Variants in ITGB2 observed in about 807,000 individuals in gnomAD.
ITGB2 encodes integrin beta-2.
In ITGB2, 56 loss-of-function variants were observed where a neutral mutation model predicts 86.8. The ratio of observed to expected loss-of-function variants is 0.65; its 90% CI spans 0.52 to 0.81. ITGB2 has a LOEUF of 0.81. Among genes scored for constraint, ITGB2 ranks in the 30% least tolerant of loss-of-function variants. The pLI is 0.00. For missense variants in ITGB2, 948 were observed against 1,061.2 expected, an observed-to-expected ratio of 0.89 and a Z score of 1.48; for synonymous variants, 457 against 450.4, an observed-to-expected ratio of 1.01 and a Z score of -0.19.
intron 14 of ITGB2, 110 bp downstream of exon 14, chr21:44,888,583 G>T (rs999470994): frequency 3.2e-5 from 40 of 1,266,570 alleles, no homozygotes; most frequent in Non-Finnish European, 4.1e-5. Context: ...CCACCCTGCT[G>T]GGCCCACAAC....
intron 9 of ITGB2, chr21:44,894,412 A>G (rs1240318271): frequency 1.7e-5 from 3 of 175,078 alleles, no homozygotes; most frequent in Non-Finnish European, 3.8e-5. Flanking sequence ...GGGGCCCTGA[A>G]TGGCACCTAG....
At chr21:44,906,409 C>T (rs1177382168) in intron 4 of ITGB2, among the ~76,000 whole-genome samples, 2 of 152,056 alleles carry the variant, frequency 1.3e-5, no homozygotes, top group Non-Finnish European at 2.9e-5. Context: ...GCGTGAGCCA[C>T]CGATAAGGAG....
chr21:44,887,217 C>T (rs1009669969), intron 14 of ITGB2, among the ~76,000 whole-genome samples: 3 of 152,178 alleles, frequency 2.0e-5, no homozygotes, highest in East Asian at 1.9e-4. Flanking sequence ...GGACACAGTG[C>T]GAGGGACCCC....
rs780567712 is a variant in ITGB2, at chr21:44,893,390, G to T, written c.1224+14C>A. On this transcript the variant is annotated intron_variant, in intron 10 of 15. Transcript: ENST00000652462. Reference sequence around the variant, plus strand: ...TCAGCAAGCTGGGATGGGGACCCTTGTGGCCAGGCTCACCGGGACATTGAT... The same window carrying T: ...TCAGCAAGCTGGGATGGGGACCCTTTTGGCCAGGCTCACCGGGACATTGAT... 1 of 1,613,476 alleles carries T rather than the reference G, an allele frequency of 6.2e-7. No individual in the cohort carries two copies. The highest frequency in any genetic ancestry group is 8.5e-7 in the Non-Finnish European group (1 of 1,179,708).
In ITGB2 at chr21:44,905,570, G is replaced by A. The variant is rs554385951; in HGVS notation, c.328+1345C>T. 3.2e-4 allele frequency among the ~76,000 whole-genome samples: 49 copies of A among 152,334 alleles called. 1 individual carries two copies. In the East Asian group the frequency reaches 9.3e-3, roughly 29 times the overall value. ...CTCAGTTTCCTCACTGTGAAGTGGG[G>A]CGTGGGGAAAATACATCAGAGCTGC... On this transcript the variant is annotated intron_variant, in intron 4 of 15. Coordinates refer to ENST00000652462, the MANE Select transcript of ITGB2 (RefSeq NM_000211.5).
intron 1 of ITGB2, among the ~76,000 whole-genome samples, chr21:44,918,299 G>T (rs138732456): frequency 6.6e-6 from 1 of 152,220 alleles, no homozygotes; most frequent in Admixed American, 6.5e-5. Context: ...AGCAAGGGGG[G>T]CCCACACAGG....
upstream of ITGB2, among the ~76,000 whole-genome samples, chr21:44,923,950 C>A (rs983149752): frequency 5.9e-5 from 9 of 152,040 alleles, no homozygotes; most frequent in African/African-American, 2.2e-4. Context: ...AGATAGAAAT[C>A]AAAGCAAAAT....
Position 44,900,222 on chromosome 21 carries a change from G to A in ITGB2, c.897+98C>T, listed in dbSNP as rs2083930922. On this transcript the variant is annotated intron_variant, in intron 7 of 15. Coordinates refer to ENST00000652462, the MANE Select transcript of ITGB2 (RefSeq NM_000211.5). Reference sequence around the variant, plus strand: ...GTTTCCTCAGGAATCTGCTCCTTGGGTCAGAAGGAGGCTCTGTCAGGTGGA... The same window carrying A: ...GTTTCCTCAGGAATCTGCTCCTTGGATCAGAAGGAGGCTCTGTCAGGTGGA... 2.7e-6 allele frequency: 4 copies of A among 1,496,478 alleles called. No individual in the cohort carries two copies. The South Asian group carries it at 3.4e-5, about 13-fold the overall frequency. 92.7% of individuals were successfully genotyped at this position (1,496,478 alleles called of 1,614,324 possible).
Position 44,895,030 on chromosome 21 carries a change from C to A in ITGB2, c.1024G>T (p.Val342Leu), listed in dbSNP as rs759487369. 2 of 1,613,394 alleles carry A rather than the reference C, an allele frequency of 1.2e-6. No individual in the cohort carries two copies. The highest frequency in any genetic ancestry group is 1.3e-5 in the African/African-American group (1 of 74,852). ...CTGGAGTCCTCAGACAGCTCCCCCA[C>A]GGCTGACTTGGGGATGATCTCGGTG... ...KLTEIIPKSA[V>L]GELSEDSSNV... Residue 342 changes from valine (V) to leucine (L), a missense_variant, in exon 9 of 16, where the codon GTG becomes TTG. Transcript: ENST00000652462.
chr21:44,910,435 A>T, intron 2 of ITGB2, 63 bp from the exon 3 acceptor site: 5 of 1,611,090 alleles, frequency 3.1e-6, no homozygotes, highest in Non-Finnish European at 4.2e-6. Context: ...CCCAAGGGGG[A>T]GTAGAGCAGG....
intron 14 of ITGB2, 22 bp downstream of exon 14, chr21:44,888,671 C>T (rs749447080): frequency 4.1e-5 from 65 of 1,603,368 alleles, no homozygotes; most frequent in South Asian, 1.4e-4. Flanking sequence ...AGCCGGTCCC[C>T]GCTGCACCCC....
chr21:44,906,650 A>G (rs745729228), intron 4 of ITGB2, among the ~76,000 whole-genome samples: 1 of 151,814 alleles, frequency 6.6e-6, no homozygotes, highest in Non-Finnish European at 1.5e-5. Flanking sequence ...TAAAAAAAAA[A>G]GGTGCAGAAC....
Position 44,899,085 on chromosome 21 carries a change from C to A in ITGB2, c.975G>T (p.Arg325Ser). The change falls in exon 8 of 16, where the codon AGG becomes AGT. Residue 325 changes from arginine to serine, a missense_variant. Coordinates refer to ENST00000652462, the MANE Select transcript of ITGB2 (RefSeq NM_000211.5). Reference sequence around the variant, plus strand: ...CACTCACCTCGTAGGTCTTCACCATCCTACTGGTCACCGCGAAGATGGGCT... The same window carrying A: ...CACTCACCTCGTAGGTCTTCACCATACTACTGGTCACCGCGAAGATGGGCT... ...NIQPIFAVTSRMVKTYEKLTE... is the reference protein window; with the variant it reads ...NIQPIFAVTSSMVKTYEKLTE... 2 of 1,614,104 alleles carry A rather than the reference C, an allele frequency of 1.2e-6. No homozygotes were observed. Among genetic ancestry groups the A allele is most frequent in the Non-Finnish European group, 1.7e-6 (2 of 1,179,932 alleles).
At chr21:44,901,816 C>T (rs1382827947) in intron 5 of ITGB2, 83 bp from the exon 6 acceptor site, 8 of 1,452,746 alleles carry the variant, frequency 5.5e-6, no homozygotes, top group Non-Finnish European at 7.5e-6. Flanking sequence ...CGAGGGCAAG[C>T]CTGTTTCCTC....
At chr21:44,915,465 G>A (rs2084195085) in intron 1 of ITGB2, among the ~76,000 whole-genome samples, 1 of 152,198 alleles carries the variant, frequency 6.6e-6, no homozygotes, top group Non-Finnish European at 1.5e-5. Context: ...CTAGAGGAGA[G>A]GCACTCGCAT....
chr21:44,897,017 G>C (rs1039013515), intron 8 of ITGB2, among the ~76,000 whole-genome samples: 2 of 152,134 alleles, frequency 1.3e-5, no homozygotes, highest in African/African-American at 4.8e-5. Context: ...GGTGGTCTCT[G>C]TGGATGTCCG....
chr21:44,897,420 T>C (rs1255293012), intron 8 of ITGB2, among the ~76,000 whole-genome samples: 1 of 152,182 alleles, frequency 6.6e-6, no homozygotes, highest in Non-Finnish European at 1.5e-5. Flanking sequence ...CCTGGTTTCC[T>C]GCGTGCCATT....
In ITGB2 at chr21:44,901,744, C is replaced by T; in HGVS notation, c.500-11G>A. 1.9e-6 allele frequency: 3 copies of T among 1,603,872 alleles called. No individual in the cohort carries two copies. The highest frequency in any genetic ancestry group is 2.6e-6 in the Non-Finnish European group (3 of 1,171,990). On this transcript the variant is annotated splice_polypyrimidine_tract_variant and intron_variant, in intron 5 of 15. Coordinates refer to ENST00000652462, the MANE Select transcript of ITGB2 (RefSeq NM_000211.5). ...CGAAGGACCCGAAGCCTGCAGGGCA[C>T]ATGGAGGGGCTGGGGAGGTGGCAGG...
Position 44,907,062 on chromosome 21 carries a change from G to A in ITGB2, c.181C>T (p.Arg61Cys), listed in dbSNP as rs375038257. Residue 61 changes from arginine (R) to cysteine (C), a missense_variant, in exon 4 of 16, where the codon CGC (arginine) becomes TGC (cysteine). By Grantham distance (180) the Arg-to-Cys change is radical. Coordinates refer to ENST00000652462, the MANE Select transcript of ITGB2 (RefSeq NM_000211.5). ...AGCAGCTGTGGCCGGGTGTCGCAGC[G>A]AATGGAGTCAGGATCCCCCGGCCCT... is the stretch of plus-strand genomic sequence containing the variant. Reference protein sequence around the residue: ...FTGPGDPDSIRCDTRPQLLMR... With the variant: ...FTGPGDPDSICCDTRPQLLMR... 96 of 1,610,110 alleles carry A rather than the reference G, an allele frequency of 6.0e-5. No individual in the cohort carries two copies. The highest frequency in any genetic ancestry group is 6.6e-5 in the Non-Finnish European group (78 of 1,177,158).
Sources: allele counts gnomAD v4.1 joint callset (sites outside exome capture counted in the v4.1 genomes callset), GRCh38; gene constraint gnomAD v4.1.1; transcripts MANE v1.5; gene names NCBI Gene and HGNC (gene_info 2026-07-23, HGNC 2026-07-21).